CYP7B1: variants seen among roughly 807,000 people sequenced by gnomAD.
CYP7B1 encodes cytochrome P450 family 7 subfamily B member 1, also known as cytochrome P450 7B1.
Under a neutral mutation model 42.7 loss-of-function variants are expected in CYP7B1, and 29 were observed. That is an observed-to-expected ratio of 0.68 (90% CI 0.51 to 0.93). The LOEUF (loss-of-function observed/expected upper bound fraction) is 0.93. Ranked by LOEUF, CYP7B1 falls within the 40% of genes least tolerant of loss-of-function variation. CYP7B1 has a pLI of 0.00. For synonymous variants in CYP7B1, 235 were observed against 218.2 expected (o/e 1.08, Z -0.68); for missense variants, 655 against 600.5 (o/e 1.09, Z -0.95).
At chr8:64,655,554 C>A (rs926299537) in intron 1 of CYP7B1, among the ~76,000 whole-genome samples, 1 of 152,166 alleles carries the variant, frequency 6.6e-6, no homozygotes, top group Non-Finnish European at 1.5e-5. Flanking sequence ...GAAAAGGGAA[C>A]CCTTACACTG....
intron 1 of CYP7B1, among the ~76,000 whole-genome samples, chr8:64,719,221 C>T (rs1807202250): frequency 6.6e-6 from 1 of 152,134 alleles, no homozygotes; most frequent in African/African-American, 2.4e-5. Context: ...TCTTTCTCCC[C>T]TCCGCACACT....
chr8:64,647,435 T>C (rs149683808), intron 1 of CYP7B1, among the ~76,000 whole-genome samples: 32 of 152,292 alleles, frequency 2.1e-4, no homozygotes, highest in Middle Eastern at 3.4e-3. Context: ...GCCACAAACC[T>C]TCAATGTATA....
chr8:64,683,254 T>C (rs527833550), intron 1 of CYP7B1, among the ~76,000 whole-genome samples: 1 of 152,324 alleles, frequency 6.6e-6, no homozygotes, highest in African/African-American at 2.4e-5. Flanking sequence ...GAGTACTATC[T>C]AGCCATTAAA....
chr8:64,700,440 T>A (rs928470534), intron 1 of CYP7B1, among the ~76,000 whole-genome samples: 1 of 152,202 alleles, frequency 6.6e-6, no homozygotes, highest in Admixed American at 6.5e-5. Context: ...CACTTCCAGT[T>A]TTGAGAGAAG....
intron 1 of CYP7B1, among the ~76,000 whole-genome samples, chr8:64,679,181 TATTCATTC>T (rs757917504): frequency 2.6e-5 from 4 of 152,084 alleles, no homozygotes; most frequent in Admixed American, 6.6e-5. Context: ...ACATTTCATA[TATTCATTC>T]ATTCATTCAT....
At chr8:64,629,721 G>C (rs1325966645) in intron 1 of CYP7B1, among the ~76,000 whole-genome samples, 1 of 152,158 alleles carries the variant, frequency 6.6e-6, no homozygotes, top group Non-Finnish European at 1.5e-5. Context: ...TCTTGGAACT[G>C]AATTCTTGAA....
At chr8:64,754,735 T>C (rs1449850659) in intron 1 of CYP7B1, among the ~76,000 whole-genome samples, 1 of 152,136 alleles carries the variant, frequency 6.6e-6, no homozygotes, top group Non-Finnish European at 1.5e-5. Context: ...AACTTTGCCA[T>C]GGTGATGAAA....
intron 1 of CYP7B1, among the ~76,000 whole-genome samples, chr8:64,703,568 G>T (rs769018076): frequency 4.0e-5 from 6 of 151,816 alleles, no homozygotes; most frequent in Non-Finnish European, 5.9e-5. Flanking sequence ...ACATTAATAG[G>T]GTAAACAAAC....
chr8:64,751,387 A>G (rs893589706), intron 1 of CYP7B1, among the ~76,000 whole-genome samples: 2 of 152,194 alleles, frequency 1.3e-5, no homozygotes, highest in Admixed American at 6.5e-5. Context: ...TCATGCCATT[A>G]AGTACTCCTA....
chr8:64,611,664 C>A (rs1563542154), intron 4 of CYP7B1, among the ~76,000 whole-genome samples: 2 of 152,094 alleles, frequency 1.3e-5, no homozygotes, highest in Non-Finnish European at 2.9e-5. Flanking sequence ...TCTCCCTTTA[C>A]TTTAACATCC....
intron 1 of CYP7B1, among the ~76,000 whole-genome samples, chr8:64,758,696 G>A (rs1372867680): frequency 1.3e-5 from 2 of 152,208 alleles, no homozygotes; most frequent in South Asian, 2.1e-4. Context: ...AAACTGGGCA[G>A]GTCAACCTCT....
chr8:64,604,100 A>G (rs1805240550), intron 5 of CYP7B1, among the ~76,000 whole-genome samples: 1 of 152,194 alleles, frequency 6.6e-6, no homozygotes, highest in Non-Finnish European at 1.5e-5. Flanking sequence ...AGCTTCAGAA[A>G]AAAACACAGG....
chr8:64,669,415 C>G (rs968849815), intron 1 of CYP7B1, among the ~76,000 whole-genome samples: 1 of 151,972 alleles, frequency 6.6e-6, no homozygotes, highest in Non-Finnish European at 1.5e-5. Flanking sequence ...GGTTTCATAC[C>G]AAACTACCAA....
Position 64,592,224 on chromosome 8 carries a change from CA to C in CYP7B1, c.*4417del, listed in dbSNP as rs148251744. The stretch of plus-strand genomic sequence containing the variant: ...GGATGGGATTTTACAATATATAATA[CA>C]GTTTTTAAAAATTCTAAGCCTCAAT... On this transcript the variant is annotated 3_prime_UTR_variant, in exon 6 of 6. Transcript: ENST00000310193. 0.073 allele frequency among the ~76,000 whole-genome samples: 11,098 copies of C among 151,716 alleles called. 474 individuals carry two copies. Among genetic ancestry groups the C allele is most frequent in the Non-Finnish European group, 0.1 (7,079 of 67,882 alleles).
chr8:64,697,634 A>G (rs1440113573), intron 1 of CYP7B1, among the ~76,000 whole-genome samples: 1 of 152,172 alleles, frequency 6.6e-6, no homozygotes. Flanking sequence ...CTTATCTAGG[A>G]GATACGCCAC....
At chr8:64,712,928 T>C (rs1264779697) in intron 1 of CYP7B1, among the ~76,000 whole-genome samples, 2 of 152,162 alleles carry the variant, frequency 1.3e-5, no homozygotes, top group Non-Finnish European at 2.9e-5. Context: ...TGTCGACAGA[T>C]GCTACAGCAC....
intron 1 of CYP7B1, among the ~76,000 whole-genome samples, chr8:64,679,028 T>G (rs1806495000): frequency 6.6e-6 from 1 of 152,060 alleles, no homozygotes; most frequent in African/African-American, 2.4e-5. Context: ...TGACAGTCCT[T>G]GTACGTTTTG....
In CYP7B1 at chr8:64,731,942, C is replaced by T. The variant is rs147331412; in HGVS notation, c.122+66524G>A. The stretch of plus-strand genomic sequence containing the variant: ...AAAGTCAAGAACTGAGGTTGGGGAA[C>T]CTCCACCTAGATTTCAGAGGATGTG... On this transcript the variant is annotated intron_variant, in intron 1 of 5. Coordinates refer to ENST00000310193, the MANE Select transcript of CYP7B1 (RefSeq NM_004820.5). Among the ~76,000 whole-genome samples, 52 of 152,308 alleles carry T rather than the reference C, an allele frequency of 3.4e-4. 1 individual carries two copies. The highest frequency in any genetic ancestry group is 1.2e-3 in the African/African-American group (48 of 41,572).
At chr8:64,599,939 G>T (rs1798314671) in intron 5 of CYP7B1, among the ~76,000 whole-genome samples, 1 of 152,216 alleles carries the variant, frequency 6.6e-6, no homozygotes, top group Non-Finnish European at 1.5e-5. Context: ...AATCCCAGGA[G>T]TTTGGAGCTA....
Sources: gnomAD v4.1 joint callset for allele counts (sites outside exome capture counted in the v4.1 genomes callset) on GRCh38, gnomAD v4.1.1 for gene constraint, MANE v1.5 for transcripts, NCBI Gene and HGNC (gene_info 2026-07-23, HGNC 2026-07-21) for gene names.